The following LNPK variants were observed in gnomAD, a reference collection of about 807,000 sequenced individuals.
LNPK encodes endoplasmic reticulum junction formation protein lunapark.
LNPK carries 29 observed loss-of-function variants against 55.2 expected under a neutral mutation model. The observed-to-expected ratio is 0.53, with a 90% CI of 0.39 to 0.72. The LOEUF is 0.72. LNPK is among the 30% of genes least tolerant of loss of function. The pLI, the probability that LNPK is intolerant of heterozygous loss-of-function variation, is 0.00. For missense variants in LNPK, 467 were observed against 494.8 expected (o/e 0.94, Z 0.53); for synonymous variants, 162 against 168.2 (o/e 0.96, Z 0.29).
In LNPK at chr2:175,926,038, CAAAG is replaced by C. The variant is rs1216348056; in HGVS notation, c.*3925_*3928del. The C allele has an allele frequency of 2.0e-5, 3 of 152,276 alleles. No homozygotes were observed. In the East Asian group the frequency reaches 5.8e-4, roughly 29 times the overall value. 9.4% of individuals were successfully genotyped at this position (152,276 alleles called of 1,614,324 possible). On this transcript the variant is annotated 3_prime_UTR_variant, in exon 13 of 13. Transcript: ENST00000272748. ...GATAGCAAGTGCACAAGGTTGGAGA[CAAAG>C]AAACCAGTTAAGAGACAGCTTTGGT...
chr2:175,947,817 A>G, intron 8 of LNPK, 125 bp from the exon 9 acceptor site: 1 of 555,610 alleles, frequency 1.8e-6, no homozygotes, highest in Non-Finnish European at 3.1e-6. Flanking sequence ...ATTACTTATA[A>G]TAATAAATCT....
intron 9 of LNPK, among the ~76,000 whole-genome samples, chr2:175,941,540 C>G (rs1684839883): frequency 6.6e-6 from 1 of 151,140 alleles, no homozygotes; most frequent in African/African-American, 2.4e-5. Context: ...TGCCTGTAAT[C>G]CCAGCACTTT....
Position 175,929,994 on chromosome 2 carries a change from T to G in LNPK, c.1260A>C (p.Leu420=). The G allele has an allele frequency of 6.2e-7, 1 of 1,614,050 alleles. No individual in the cohort carries two copies. The highest frequency in any genetic ancestry group is 8.5e-7 in the Non-Finnish European group (1 of 1,179,932). The change falls in exon 13 of 13, where the codon CTA becomes CTC. Residue 420 remains leucine (L), a synonymous_variant. Transcript: ENST00000272748. ...ACTCTGCCGTCAAAGATTCTCCACT[T>G]AGTTCAGGATCAGGAATAGAATCAG... ...PGADSIPDPE[L]SGESLTAE
rs1008832394 is a variant in LNPK at position 175,937,479 on chromosome 2, C to T, written c.919G>A (p.Ala307Thr). ...RCAYCFFLNP[A>T]RKTRPQAPRL... The stretch of plus-strand genomic sequence containing the variant: ...GGAGCCTGAGGTCTGGTTTTTCTTG[C>T]AGGGTTCAAGAAAAAACAGTAGGCA... Residue 307 changes from alanine (A) to threonine (T), a missense_variant, in exon 12 of 13, where the codon GCA (alanine) becomes ACA (threonine). Physicochemically the swap from Ala to Thr is moderately conservative, Grantham distance 58 (BLOSUM62 0). Coordinates refer to ENST00000272748, the MANE Select transcript of LNPK (RefSeq NM_030650.3). 1.2e-6 allele frequency: 2 copies of T among 1,613,082 alleles called. No homozygotes were observed. Among genetic ancestry groups the T allele is most frequent in the Non-Finnish European group, 1.7e-6 (2 of 1,179,500 alleles).
At chr2:176,000,554 T>C (rs3099604) in intron 1 of LNPK, among the ~76,000 whole-genome samples, 61,352 of 152,028 alleles carry the variant, frequency 0.4, 13,195 homozygotes, top group East Asian at 0.71. Flanking sequence ...CAAAAATAGA[T>C]TGCTCTCATT....
At chr2:175,941,010 G>A (rs1243392280) in intron 9 of LNPK, 1 of 454,148 alleles carries the variant, frequency 2.2e-6, no homozygotes, top group East Asian at 7.1e-5. Context: ...CACTTTGAGA[G>A]GTCGAGGTAG....
At chr2:175,975,720 G>C (rs528200685) in intron 5 of LNPK, among the ~76,000 whole-genome samples, 1 of 152,264 alleles carries the variant, frequency 6.6e-6, no homozygotes, top group South Asian at 2.1e-4. Flanking sequence ...TTAAGAAACT[G>C]TAAGGTCCAG....
chr2:175,947,358 C>G (rs1318506856), intron 9 of LNPK, 122 bp downstream of exon 9: 1 of 737,388 alleles, frequency 1.4e-6, no homozygotes, highest in African/African-American at 1.8e-5. Flanking sequence ...CCTGCTTAAT[C>G]AGATAACTGC....
chr2:175,980,117 A>T (rs995807163), intron 4 of LNPK, among the ~76,000 whole-genome samples: 1 of 152,224 alleles, frequency 6.6e-6, no homozygotes, highest in Non-Finnish European at 1.5e-5. Context: ...CTTTGTGTGC[A>T]TAAGTGCATT....
At position 175,947,555 on chromosome 2, in the gene LNPK, T is replaced by G. The variant is rs2105564720; in HGVS notation, c.631A>C (p.Thr211Pro). Residue 211 changes from threonine (T) to proline (P), a missense_variant, in exon 9 of 13, where the codon ACT (threonine) becomes CCT (proline). By Grantham distance (38) the Thr-to-Pro change is conservative. Coordinates refer to ENST00000272748, the MANE Select transcript of LNPK (RefSeq NM_030650.3). The stretch of plus-strand genomic sequence containing the variant: ...TTTGATGATAGGGCTGGAGTAACAG[T>G]CCTTTCTGGGGGTCCACCAGGGGCA... Reference protein sequence around the residue: ...SSAPGGPPERTVTPALSSNVL... With the variant: ...SSAPGGPPERPVTPALSSNVL... 4 of 1,614,044 alleles carry G rather than the reference T, an allele frequency of 2.5e-6. No individual in the cohort carries two copies. Among genetic ancestry groups the G allele is most frequent in the Non-Finnish European group, 3.4e-6 (4 of 1,179,964 alleles).
rs770808837 is a variant in LNPK at position 175,928,281 on chromosome 2, T to C, written c.*1686A>G. ...TTTTAAAGACATTAATAAGAACAAA[T>C]GCCATCGTTTTCAGGTAGTGTGCTA... is the stretch of plus-strand genomic sequence containing the variant. On this transcript the variant is annotated 3_prime_UTR_variant, in exon 13 of 13. Coordinates refer to ENST00000272748, the MANE Select transcript of LNPK (RefSeq NM_030650.3). 1.2e-4 allele frequency: 18 copies of C among 152,120 alleles called. No homozygotes were observed. Among genetic ancestry groups the C allele is most frequent in the Non-Finnish European group, 2.4e-4 (16 of 68,018 alleles). 9.4% of individuals were successfully genotyped at this position (152,120 alleles called of 1,614,324 possible).
chr2:175,928,395 G>A lies in LNPK; in HGVS notation c.*1572C>T, dbSNP rs1464136560. ...TTACAGATGAAAAAATAATCTCAGTGAGTTTATAGGTGACTTGCCCAAGAC... is the reference window on the plus strand; with the variant it reads ...TTACAGATGAAAAAATAATCTCAGTAAGTTTATAGGTGACTTGCCCAAGAC... On this transcript the variant is annotated 3_prime_UTR_variant, in exon 13 of 13. Transcript: ENST00000272748. The A allele has an allele frequency of 1.3e-5, 2 of 151,260 alleles. No homozygotes were observed. The highest frequency in any genetic ancestry group is 3.9e-4 in the East Asian group (2 of 5,148). 9.4% of individuals were successfully genotyped at this position (151,260 alleles called of 1,614,324 possible).
intron 8 of LNPK, among the ~76,000 whole-genome samples, chr2:175,958,559 C>A (rs1685818768): frequency 6.6e-6 from 1 of 152,206 alleles, no homozygotes; most frequent in South Asian, 2.1e-4. Context: ...AAAACCCCAT[C>A]TATAGGTCAC....
chr2:175,980,700 A>G (rs902375567), intron 4 of LNPK, among the ~76,000 whole-genome samples: 2 of 152,130 alleles, frequency 1.3e-5, no homozygotes, highest in Admixed American at 6.5e-5. Context: ...TGAGGTCAGG[A>G]GTTTGAGACC....
intron 9 of LNPK, among the ~76,000 whole-genome samples, chr2:175,942,211 A>AGAG (rs1684884791): frequency 6.6e-6 from 1 of 152,202 alleles, no homozygotes; most frequent in Non-Finnish European, 1.5e-5. Context: ...ACCTTAAAAG[A>AGAG]TAACTGACTG....
chr2:175,937,336 A>C lies in LNPK; in HGVS notation c.1054+8T>G. 2 of 1,612,032 alleles carry C rather than the reference A, an allele frequency of 1.2e-6. No individual in the cohort carries two copies. Among genetic ancestry groups the C allele is most frequent in the South Asian group, 2.2e-5 (2 of 90,666 alleles). ...ATTAAGGGGCAAAACTGTTTAACAT[A>C]TTCATACCTTCATTAAACTGGTTGT... On this transcript the variant is annotated splice_region_variant and intron_variant, in intron 12 of 12. Transcript: ENST00000272748.
At chr2:175,970,840 T>G in intron 5 of LNPK, 36 bp from the exon 6 acceptor site, 1 of 1,384,452 alleles carries the variant, frequency 7.2e-7, no homozygotes, top group Non-Finnish European at 9.6e-7. Context: ...ATTAAGATAT[T>G]TAGATATAAG....
chr2:175,941,493 A>T lies in LNPK; in HGVS notation c.707-1836T>A, dbSNP rs145296959. 2.0e-5 allele frequency among the ~76,000 whole-genome samples: 3 copies of T among 151,924 alleles called. No individual in the cohort carries two copies. The East Asian group carries it at 5.8e-4, about 30-fold the overall frequency. The stretch of plus-strand genomic sequence containing the variant: ...CATGAACAAATTGCTTAAAACCAAT[A>T]ATCAAGAGAAAAATCTTGACCGGGT... On this transcript the variant is annotated intron_variant, in intron 9 of 12. Coordinates refer to ENST00000272748, the MANE Select transcript of LNPK (RefSeq NM_030650.3).
chr2:175,965,278 C>T (rs556881853), intron 6 of LNPK, among the ~76,000 whole-genome samples: 5 of 152,234 alleles, frequency 3.3e-5, no homozygotes, highest in African/African-American at 4.8e-5. Flanking sequence ...ATTATTGTAA[C>T]GTTTTATTTA....
Sources: allele counts gnomAD v4.1 joint callset (sites outside exome capture counted in the v4.1 genomes callset), GRCh38; gene constraint gnomAD v4.1.1; transcripts MANE v1.5; gene names NCBI Gene and HGNC (gene_info 2026-07-23, HGNC 2026-07-21).